The following UGT1A8 variants were observed in gnomAD, a reference collection of about 807,000 sequenced individuals.
UGT1A8 encodes the protein UDP glucuronosyltransferase family 1 member A8.
A neutral mutation model predicts 45.3 loss-of-function variants in UGT1A8; 39 were observed. That is an observed-to-expected ratio of 0.86 (90% CI 0.67 to 1.12). UGT1A8 has a LOEUF of 1.12. Among genes scored for constraint, UGT1A8 ranks in the 50% most tolerant of loss-of-function variants. The pLI is 0.00. For synonymous variants in UGT1A8, 275 were observed against 249.2 expected, an observed-to-expected ratio of 1.10 and a Z score of -0.97; for missense variants, 719 against 664.9, an observed-to-expected ratio of 1.08 and a Z score of -0.90.
rs921224887 is a variant in UGT1A8, at chr2:233,769,400, T to A, written c.1295+961T>A. ...TCCGACAATAGATACTGTGTGCATA[T>A]GTGCGTGTGCGTTTGTGCATGTGGC... On this transcript the variant is annotated intron_variant, in intron 4 of 4. Coordinates refer to ENST00000373450, the MANE Select transcript of UGT1A8 (RefSeq NM_019076.5). The surrounding 1 kb of genome is among the most constrained non-coding windows in gnomAD (Gnocchi z 4.4). 3.4e-6 allele frequency: 4 copies of A among 1,182,114 alleles called. No homozygotes were observed. Among genetic ancestry groups the A allele is most frequent in the Non-Finnish European group, 4.9e-6 (4 of 819,978 alleles). The allele number at this position is 1,182,114 out of a possible 1,614,324, so 73.2% of individuals were successfully genotyped here. A position where few individuals can be genotyped will look rare whatever the true frequency, so the allele number is the denominator to read the frequency against.
chr2:233,764,618 A>G (rs1306085339), intron 1 of UGT1A8, among the ~76,000 whole-genome samples: 3 of 152,108 alleles, frequency 2.0e-5, no homozygotes, highest in Non-Finnish European at 2.9e-5. Flanking sequence ...AGTGGGTTTC[A>G]TGAAGAGCAA....
At chr2:233,699,399 G>T (rs1351749107) in intron 1 of UGT1A8, among the ~76,000 whole-genome samples, 2 of 152,200 alleles carry the variant, frequency 1.3e-5, no homozygotes, top group Non-Finnish European at 2.9e-5. Context: ...TTTTAGAAGA[G>T]AATTTAGCTT....
chr2:233,753,414 T>C (rs1264924326), intron 1 of UGT1A8: 1 of 152,196 alleles, frequency 6.6e-6, no homozygotes, highest in Non-Finnish European at 1.5e-5. Flanking sequence ...CCAAACCCAT[T>C]GTCACAGTAT....
At chr2:233,748,134 A>G (rs747605529) in intron 1 of UGT1A8, 15 of 1,609,728 alleles carry the variant, frequency 9.3e-6, no homozygotes, top group Non-Finnish European at 1.3e-5. Flanking sequence ...GTTTTTAAAA[A>G]TTGTATTTAC....
rs1408103062 is a variant in UGT1A8 at position 233,767,311 on chromosome 2, TTTG to T, written c.987+154_987+156del. On this transcript the variant is annotated intron_variant, in intron 2 of 4. Coordinates refer to ENST00000373450, the MANE Select transcript of UGT1A8 (RefSeq NM_019076.5). The stretch of plus-strand genomic sequence containing the variant: ...CCCAACTATTAATCCAAAGGTTTTT[TTTG>T]TTGTTGTGGTTGTTGTCATTGTTTT... 34 of 1,514,266 alleles carry T rather than the reference TTTG, an allele frequency of 2.2e-5. No homozygotes were observed. In the African/African-American group the frequency reaches 2.9e-4, roughly 13 times the overall value. The allele number at this position is 1,514,266 out of a possible 1,614,324, so 93.8% of individuals were successfully genotyped here. A position where few individuals can be genotyped will look rare whatever the true frequency, so the allele number is the denominator to read the frequency against.
chr2:233,703,726 C>CT (rs958884874), intron 1 of UGT1A8, among the ~76,000 whole-genome samples: 15 of 151,578 alleles, frequency 9.9e-5, no homozygotes, highest in African/African-American at 2.2e-4. Context: ...TAAATATAAA[C>CT]TTTTTTTTGT....
chr2:233,736,822 C>T (rs1336018032), intron 1 of UGT1A8, among the ~76,000 whole-genome samples: 1 of 152,216 alleles, frequency 6.6e-6, no homozygotes, highest in Non-Finnish European at 1.5e-5. Flanking sequence ...ACTCCAGATG[C>T]TCTTTGCTTT....
chr2:233,753,819 A>AG (rs1295760260), intron 1 of UGT1A8, among the ~76,000 whole-genome samples: 1 of 152,236 alleles, frequency 6.6e-6, no homozygotes, highest in African/African-American at 2.4e-5. Context: ...GAACCACGTT[A>AG]GGGCTGAAGA....
intron 1 of UGT1A8, among the ~76,000 whole-genome samples, chr2:233,681,203 C>A (rs1163915623): frequency 6.6e-6 from 1 of 151,820 alleles, no homozygotes; most frequent in Non-Finnish European, 1.5e-5. Context: ...ACATGAGATG[C>A]CAATTTCTTT....
chr2:233,740,981 G>T (rs1424238424), intron 1 of UGT1A8: 1 of 151,674 alleles, frequency 6.6e-6, no homozygotes, highest in African/African-American at 2.4e-5. Flanking sequence ...TAGCTACTGG[G>T]AATGCTGAGG....
chr2:233,681,959 G>T, intron 1 of UGT1A8: 1 of 1,613,992 alleles, frequency 6.2e-7, no homozygotes, highest in Non-Finnish European at 8.5e-7. Flanking sequence ...AGGGTGGACT[G>T]GCCTCCTTCC....
chr2:233,646,558 T>C (rs1025962848), intron 1 of UGT1A8, among the ~76,000 whole-genome samples: 2 of 152,162 alleles, frequency 1.3e-5, no homozygotes, highest in African/African-American at 2.4e-5. Flanking sequence ...TTACCCTAAA[T>C]CATCTTTCTA....
intron 1 of UGT1A8, among the ~76,000 whole-genome samples, chr2:233,690,256 C>T (rs1001028460): frequency 3.3e-5 from 5 of 152,190 alleles, no homozygotes; most frequent in Non-Finnish European, 7.3e-5. Flanking sequence ...TTTTAAGTCT[C>T]AAACATTTTG....
At chr2:233,693,835 C>A (rs764583792) in intron 1 of UGT1A8, 2 of 1,614,056 alleles carry the variant, frequency 1.2e-6, no homozygotes, top group Non-Finnish European at 1.7e-6. Context: ...TTGGAGGTAT[C>A]AACTGTAAGA....
At chr2:233,749,031 C>A (rs1694088347) in intron 1 of UGT1A8, among the ~76,000 whole-genome samples, 1 of 151,676 alleles carries the variant, frequency 6.6e-6, no homozygotes, top group African/African-American at 2.4e-5. Context: ...ATTTGGGGTT[C>A]ATTGATGTGG....
chr2:233,746,849 C>A (rs1171057380), intron 1 of UGT1A8, among the ~76,000 whole-genome samples: 1 of 151,698 alleles, frequency 6.6e-6, no homozygotes, highest in African/African-American at 2.4e-5. Flanking sequence ...CCTCTCAGAC[C>A]TCAGCTGCAG....
At chr2:233,718,115 A>C (rs571741074) in intron 1 of UGT1A8, 31 of 307,724 alleles carry the variant, frequency 1.0e-4, no homozygotes, top group Middle Eastern at 2.3e-3. Flanking sequence ...AGCACCTCTT[A>C]TTCCATGGTG....
intron 1 of UGT1A8, among the ~76,000 whole-genome samples, chr2:233,639,168 A>G (rs371659119): frequency 6.6e-6 from 1 of 152,200 alleles, no homozygotes; most frequent in East Asian, 1.9e-4. Flanking sequence ...ACATTAAACT[A>G]TATATGGTTT....
At chr2:233,760,396 G>A (rs1697431780) in intron 1 of UGT1A8, 1 of 1,614,010 alleles carries the variant, frequency 6.2e-7, no homozygotes, top group African/African-American at 1.3e-5. Flanking sequence ...CCCAGTGGAT[G>A]GCAGCCACTG....
Sources: gnomAD v4.1 joint callset for allele counts (sites outside exome capture counted in the v4.1 genomes callset) on GRCh38, gnomAD v4.1.1 for gene constraint, Gnocchi (gnomAD v3.1) non-coding constraint, MANE v1.5 for transcripts, NCBI Gene and HGNC (gene_info 2026-07-23, HGNC 2026-07-21) for gene names.